LOXL2: variants seen among roughly 807,000 people sequenced by gnomAD.
The protein encoded by LOXL2 is lysyl oxidase homolog 2.
LOXL2 carries 70 observed loss-of-function variants against 93.0 expected under a neutral mutation model. The observed-to-expected ratio is 0.75, with a 90% CI of 0.62 to 0.92. The LOEUF is 0.92. Ranked by LOEUF, LOXL2 falls within the 40% of genes least tolerant of loss-of-function variation. The pLI is 0.00. For synonymous variants in LOXL2, 438 were observed against 413.2 expected (o/e 1.06, Z -0.73); for missense variants, 973 against 1,054.9 (o/e 0.92, Z 1.08).
At chr8:23,318,424 A>AGCGC (rs1464182848) in intron 8 of LOXL2, among the ~76,000 whole-genome samples, 54 of 60,484 alleles carry the variant, frequency 8.9e-4, no homozygotes, top group African/African-American at 2.8e-3. Context: ...ATTGGTTGAT[A>AGCGC]GCACACACAC....
intron 1 of LOXL2, among the ~76,000 whole-genome samples, chr8:23,373,305 A>AG (rs1267070865): frequency 3.3e-5 from 5 of 152,014 alleles, no homozygotes; most frequent in Non-Finnish European, 7.4e-5. Flanking sequence ...GAGCCAGCGG[A>AG]GGGGGGGCCT....
chr8:23,338,792 G>C (rs1803836649), intron 4 of LOXL2, among the ~76,000 whole-genome samples: 1 of 152,206 alleles, frequency 6.6e-6, no homozygotes, highest in Non-Finnish European at 1.5e-5. Flanking sequence ...CCTAGTCCCA[G>C]GCCAGTCCTG....
Position 23,329,655 on chromosome 8 carries a change from A to G in LOXL2, c.967-1090T>C, listed in dbSNP as rs572522282. 2.6e-5 allele frequency among the ~76,000 whole-genome samples: 4 copies of G among 152,296 alleles called. No homozygotes were observed. In the East Asian group the frequency reaches 7.7e-4, roughly 29 times the overall value. On this transcript the variant is annotated intron_variant, in intron 5 of 13. Transcript: ENST00000389131. ...CTACTGCTGATGCTCATTCAACTCC[A>G]CAGAGGGAGTGAGGAAGACTGTGTA...
intron 6 of LOXL2, among the ~76,000 whole-genome samples, chr8:23,326,556 C>A (rs1458474908): frequency 1.3e-5 from 2 of 152,154 alleles, no homozygotes; most frequent in Non-Finnish European, 2.9e-5. Flanking sequence ...GAGTTCAAGA[C>A]CAGCCTGGCC....
At chr8:23,314,700 G>A (rs971092364) in intron 9 of LOXL2, among the ~76,000 whole-genome samples, 52 of 151,558 alleles carry the variant, frequency 3.4e-4, no homozygotes, top group African/African-American at 1.2e-3. Context: ...GCTAGATGAC[G>A]AGTTAGTGGG....
At chr8:23,399,775 C>T (rs1800134688) in intron 1 of LOXL2, among the ~76,000 whole-genome samples, 2 of 152,208 alleles carry the variant, frequency 1.3e-5, no homozygotes, top group African/African-American at 2.4e-5. Flanking sequence ...ATGAAGGAAG[C>T]AGTCATGCTT....
chr8:23,300,504 T>C (rs988210621), intron 12 of LOXL2, among the ~76,000 whole-genome samples: 2 of 152,204 alleles, frequency 1.3e-5, no homozygotes, highest in African/African-American at 2.4e-5. Context: ...ATGTCTGAAG[T>C]GAAGACCACC....
intron 3 of LOXL2, among the ~76,000 whole-genome samples, chr8:23,342,201 G>C (rs557461537): frequency 1.3e-5 from 2 of 152,166 alleles, no homozygotes; most frequent in African/African-American, 4.8e-5. Flanking sequence ...GGCAGGAGAG[G>C]GGGCCTCAAG....
Position 23,401,652 on chromosome 8 carries a change from A to G in LOXL2, c.-84+2302T>C, listed in dbSNP as rs7827468. On this transcript the variant is annotated intron_variant, in intron 1 of 13. Coordinates refer to ENST00000389131, the MANE Select transcript of LOXL2 (RefSeq NM_002318.3). ...GAAATTTTTTGAGAATAAAAAATAA[A>G]CAATGTAGTGTTTTCTGGGACTCAA... Among the ~76,000 whole-genome samples, 271 of 152,356 alleles carry G rather than the reference A, an allele frequency of 1.8e-3. 1 individual carries two copies. Among genetic ancestry groups the G allele is most frequent in the African/African-American group, 6.4e-3 (265 of 41,588 alleles).
chr8:23,356,084 T>C (rs1207426636), intron 3 of LOXL2, among the ~76,000 whole-genome samples: 3 of 152,224 alleles, frequency 2.0e-5, no homozygotes, highest in Admixed American at 2.0e-4. Flanking sequence ...TCCATAATTT[T>C]ATACTCCAGC....
At chr8:23,333,656 G>T in intron 4 of LOXL2, 33 bp from the exon 5 acceptor site, 1 of 1,543,678 alleles carries the variant, frequency 6.5e-7, no homozygotes, top group Non-Finnish European at 8.9e-7. Flanking sequence ...GGGGACCAGG[G>T]CATCATGACG....
chr8:23,354,646 G>A (rs1804155605), intron 3 of LOXL2, among the ~76,000 whole-genome samples: 1 of 151,710 alleles, frequency 6.6e-6, no homozygotes, highest in Non-Finnish European at 1.5e-5. Context: ...CATGGTGCGC[G>A]ATGTCAATAT....
chr8:23,355,369 G>C (rs949589615), intron 3 of LOXL2, among the ~76,000 whole-genome samples: 2 of 152,006 alleles, frequency 1.3e-5, no homozygotes, highest in African/African-American at 4.8e-5. Flanking sequence ...ATGGTTTCCA[G>C]ATTTGTCTCC....
chr8:23,379,140 G>C (rs1804635868), intron 1 of LOXL2, among the ~76,000 whole-genome samples: 1 of 152,182 alleles, frequency 6.6e-6, no homozygotes, highest in Non-Finnish European at 1.5e-5. Flanking sequence ...ATGTTTGTTA[G>C]TTTTCCTTCT....
intron 11 of LOXL2, among the ~76,000 whole-genome samples, chr8:23,302,881 T>C (rs1362138991): frequency 3.3e-5 from 5 of 152,008 alleles, no homozygotes; most frequent in Non-Finnish European, 7.4e-5. Flanking sequence ...GCATTTGAGA[T>C]ATAATTGAAG....
In LOXL2 at chr8:23,341,096, G is replaced by A. The variant is rs767517233; in HGVS notation, c.639C>T (p.Thr213=). Residue 213 remains threonine (T), a synonymous_variant, in exon 4 of 14, where the codon ACC becomes ACT. Transcript: ENST00000389131. Reference sequence around the variant, plus strand: ...AGTGCTTGTCACAGATCTGCTTCCAGGTCTTGCCCTCCTTCACCTCCACGT... The same window carrying A: ...AGTGCTTGTCACAGATCTGCTTCCAAGTCTTGCCCTCCTTCACCTCCACGT... ...EGYVEVKEGK[T]WKQICDKHWT... 1.2e-6 allele frequency: 2 copies of A among 1,614,084 alleles called. No homozygotes were observed. Among genetic ancestry groups the A allele is most frequent in the East Asian group, 2.2e-5 (1 of 44,862 alleles).
chr8:23,352,336 T>C (rs1181583588), intron 3 of LOXL2, among the ~76,000 whole-genome samples: 1 of 152,160 alleles, frequency 6.6e-6, no homozygotes, highest in Admixed American at 6.5e-5. Flanking sequence ...AGCTACCCCG[T>C]GACCATCTGG....
intron 1 of LOXL2, among the ~76,000 whole-genome samples, chr8:23,392,855 G>C (rs1337791011): frequency 6.6e-6 from 1 of 152,086 alleles, no homozygotes; most frequent in Admixed American, 6.6e-5. Context: ...CAGTAAATGA[G>C]TTCAGCAAGG....
chr8:23,391,374 C>A (rs1225568293), intron 1 of LOXL2, among the ~76,000 whole-genome samples: 1 of 152,148 alleles, frequency 6.6e-6, no homozygotes, highest in African/African-American at 2.4e-5. Flanking sequence ...GTTTTAGGTT[C>A]TTCACGGGCT....
Sources: allele counts gnomAD v4.1 joint callset (sites outside exome capture counted in the v4.1 genomes callset), GRCh38; gene constraint gnomAD v4.1.1; transcripts MANE v1.5; gene names NCBI Gene and HGNC (gene_info 2026-07-23, HGNC 2026-07-21).